SAMD12: variants seen among roughly 807,000 people sequenced by gnomAD.
The protein encoded by SAMD12 is sterile alpha motif domain containing 12.
Under a neutral mutation model 15.0 loss-of-function variants are expected in SAMD12, and 9 were observed. The ratio of observed to expected loss-of-function variants is 0.60; its 90% CI spans 0.36 to 1.05. The LOEUF (loss-of-function observed/expected upper bound fraction) is 1.05, where lower values mean the gene tolerates loss of function less well. Among genes scored for constraint, SAMD12 ranks in the 50% least tolerant of loss-of-function variants. The probability of loss-of-function intolerance (pLI) is 0.01; values close to 1 mark genes in which losing one functional copy is unlikely to be tolerated. For synonymous variants in SAMD12, 86 were observed against 90.1 expected (o/e 0.96, Z 0.25); for missense variants, 230 against 234.2 (o/e 0.98, Z 0.12).
At chr8:118,414,411 G>T (rs1413664998) in intron 3 of SAMD12, among the ~76,000 whole-genome samples, 1 of 151,914 alleles carries the variant, frequency 6.6e-6, no homozygotes, top group Non-Finnish European at 1.5e-5. Context: ...AGGAGAAATA[G>T]GAAATAATCT....
chr8:118,506,961 T>C (rs1425339091), intron 2 of SAMD12, among the ~76,000 whole-genome samples: 2 of 152,010 alleles, frequency 1.3e-5, no homozygotes, highest in Non-Finnish European at 2.9e-5. Flanking sequence ...TGGTCATAAA[T>C]AAACAGGTTA....
chr8:118,343,295 G>C (rs1269153867), intron 4 of SAMD12, among the ~76,000 whole-genome samples: 1 of 151,848 alleles, frequency 6.6e-6, no homozygotes, highest in Non-Finnish European at 1.5e-5. Flanking sequence ...TTCTCTTCCT[G>C]CTTGTGTGGC....
At chr8:118,149,447 G>T in the SAMD12 span, among the ~76,000 whole-genome samples, 1 of 152,038 alleles carries the variant, frequency 6.6e-6, no homozygotes, top group South Asian at 2.1e-4. Flanking sequence ...CAAATCTTTT[G>T]CCCATTTTTA....
Position 118,353,412 on chromosome 8 carries a change from G to C in SAMD12, c.433+26148C>G, listed in dbSNP as rs115960229. ...CTTTAGGGAGGTAACAAGGTCACAA[G>C]GGTGGAGTCTTTAGAATGAGATTAG... On this transcript the variant is annotated intron_variant, in intron 4 of 4. Coordinates refer to the SAMD12 transcript ENST00000409003. 8.0e-3 allele frequency among the ~76,000 whole-genome samples: 1,215 copies of C among 152,094 alleles called. 17 individuals are homozygous for C. Among genetic ancestry groups the C allele is most frequent in the African/African-American group, 0.028 (1,158 of 41,458 alleles).
At chr8:118,221,886 A>T (rs1432365245) in intron 4 of SAMD12, among the ~76,000 whole-genome samples, 1 of 152,216 alleles carries the variant, frequency 6.6e-6, no homozygotes, top group Non-Finnish European at 1.5e-5. Context: ...TGAAAATAAG[A>T]TCCATGTTTC....
chr8:118,496,513 G>A (rs965006899), intron 2 of SAMD12, among the ~76,000 whole-genome samples: 1 of 152,164 alleles, frequency 6.6e-6, no homozygotes, highest in African/African-American at 2.4e-5. Flanking sequence ...TAAATGGATA[G>A]CCATATACCA....
chr8:118,318,274 C>A (rs1409551008), intron 4 of SAMD12, among the ~76,000 whole-genome samples: 1 of 138,512 alleles, frequency 7.2e-6, no homozygotes, highest in Admixed American at 7.4e-5. Context: ...TCACAATTGC[C>A]AATGAGTAGA....
intron 2 of SAMD12, among the ~76,000 whole-genome samples, chr8:118,559,242 CAGAT>C (rs1284080880): frequency 6.6e-6 from 1 of 152,130 alleles, no homozygotes; most frequent in African/African-American, 2.4e-5. Context: ...CAGATTAAGA[CAGAT>C]AAAGTTACTT....
chr8:118,558,155 T>C (rs1365848220), intron 2 of SAMD12, among the ~76,000 whole-genome samples: 2 of 152,200 alleles, frequency 1.3e-5, no homozygotes, highest in African/African-American at 4.8e-5. Context: ...TTATAGCATA[T>C]TTATCTTTAG....
chr8:118,453,754 C>G (rs1421920952), intron 2 of SAMD12, among the ~76,000 whole-genome samples: 1 of 152,148 alleles, frequency 6.6e-6, no homozygotes, highest in African/African-American at 2.4e-5. Context: ...CTCTTGGGCT[C>G]AAACCATTCT....
intron 4 of SAMD12, among the ~76,000 whole-genome samples, chr8:118,350,623 C>T (rs937558002): frequency 6.6e-6 from 1 of 152,170 alleles, no homozygotes; most frequent in African/African-American, 2.4e-5. Flanking sequence ...TGTTTGACAA[C>T]CACAGTGCCT....
chr8:118,598,284 G>A (rs1827772558), intron 1 of SAMD12, among the ~76,000 whole-genome samples: 1 of 152,196 alleles, frequency 6.6e-6, no homozygotes, highest in Admixed American at 6.5e-5. Context: ...TGGAGAGAGG[G>A]CCTTTAAAGG....
chr8:118,279,459 T>A (rs927104574), intron 4 of SAMD12, among the ~76,000 whole-genome samples: 1 of 152,236 alleles, frequency 6.6e-6, no homozygotes, highest in Admixed American at 6.5e-5. Context: ...TGATCAGATA[T>A]CACCATCTTC....
intron 4 of SAMD12, among the ~76,000 whole-genome samples, chr8:118,230,601 C>T (rs1404179395): frequency 6.6e-6 from 1 of 151,944 alleles, no homozygotes; most frequent in Non-Finnish European, 1.5e-5. Context: ...GACTGGAGAA[C>T]TACTCTACAT....
intron 1 of SAMD12, among the ~76,000 whole-genome samples, chr8:118,589,942 T>C (rs1827542081): frequency 6.6e-6 from 1 of 152,152 alleles, no homozygotes; most frequent in South Asian, 2.1e-4. Flanking sequence ...TTAAAAATGA[T>C]GGACATTATA....
At chr8:118,553,086 C>T (rs1176129036) in intron 2 of SAMD12, among the ~76,000 whole-genome samples, 2 of 151,778 alleles carry the variant, frequency 1.3e-5, no homozygotes, top group Non-Finnish European at 2.9e-5. Flanking sequence ...GAATCAATAT[C>T]GTGAAAATGG....
At chr8:118,451,185 A>T (rs1006975097) in intron 2 of SAMD12, among the ~76,000 whole-genome samples, 1 of 152,200 alleles carries the variant, frequency 6.6e-6, no homozygotes, top group African/African-American at 2.4e-5. Flanking sequence ...GTAATTTCAA[A>T]CTTCATGCTT....
chr8:118,554,112 G>A (rs1826442255), intron 2 of SAMD12, among the ~76,000 whole-genome samples: 1 of 151,812 alleles, frequency 6.6e-6, no homozygotes, highest in Admixed American at 6.6e-5. Context: ...AACCATTGTG[G>A]AAGTCAGTGT....
intron 2 of SAMD12, among the ~76,000 whole-genome samples, chr8:118,497,723 C>CGGCGG (rs1824659551): frequency 1.7e-5 from 1 of 58,756 alleles, no homozygotes; most frequent in African/African-American, 6.4e-5. Context: ...ACTTAAGTTG[C>CGGCGG]GGGGGGGGGT....
Sources: allele counts gnomAD v4.1 joint callset (sites outside exome capture counted in the v4.1 genomes callset), GRCh38; gene constraint gnomAD v4.1.1; transcripts MANE v1.5; gene names NCBI Gene and HGNC (gene_info 2026-07-23, HGNC 2026-07-21).